SRSF11: variants seen among roughly 807,000 people sequenced by gnomAD.
The protein encoded by SRSF11 is serine/arginine-rich splicing factor 11.
SRSF11 carries 9 observed loss-of-function variants against 56.0 expected under a neutral mutation model. The ratio of observed to expected loss-of-function variants is 0.16; its 90% CI spans 0.10 to 0.28. The LOEUF (loss-of-function observed/expected upper bound fraction) is 0.28. Among genes scored for constraint, SRSF11 ranks in the 10% least tolerant of loss-of-function variants. The probability of loss-of-function intolerance (pLI) is 1.00; values close to 1 mark genes in which losing one functional copy is unlikely to be tolerated. For missense variants in SRSF11, 421 were observed against 600.7 expected, an observed-to-expected ratio of 0.70 and a Z score of 3.13; for synonymous variants, 222 against 215.3, an observed-to-expected ratio of 1.03 and a Z score of -0.27.
intron 5 of SRSF11, among the ~76,000 whole-genome samples, chr1:70,235,925 A>G (rs1287532349): frequency 6.6e-6 from 1 of 152,246 alleles, no homozygotes; most frequent in African/African-American, 2.4e-5. Flanking sequence ...ATTAATAGCC[A>G]ACATTTTATT....
upstream of SRSF11, among the ~76,000 whole-genome samples, chr1:70,218,314 A>AT (rs921873732): frequency 3.9e-5 from 6 of 152,150 alleles, no homozygotes; most frequent in African/African-American, 1.4e-4. Context: ...AAATTCAGTA[A>AT]TTTTTTGTTG....
intron 1 of SRSF11, among the ~76,000 whole-genome samples, chr1:70,222,070 T>A (rs1167750642): frequency 6.6e-6 from 1 of 152,160 alleles, no homozygotes; most frequent in Non-Finnish European, 1.5e-5. Context: ...TCGGGAAATT[T>A]TTTTTTTCCG....
At chr1:70,219,654 C>G (rs1433914285), upstream of SRSF11, among the ~76,000 whole-genome samples, 1 of 152,188 alleles carries the variant, frequency 6.6e-6, no homozygotes, top group Non-Finnish European at 1.5e-5. Context: ...ACCAATCCCC[C>G]ACAGATACTG....
intron 2 of SRSF11, chr1:70,231,730 C>G (rs1672885580): frequency 1.6e-6 from 2 of 1,222,344 alleles, no homozygotes; most frequent in Admixed American, 5.9e-5. Context: ...TACATACTTT[C>G]TTCTCTTAAT....
intron 8 of SRSF11, among the ~76,000 whole-genome samples, chr1:70,245,622 G>A (rs1171073351): frequency 6.6e-6 from 1 of 152,198 alleles, no homozygotes; most frequent in Non-Finnish European, 1.5e-5. Context: ...ATTGGAAGAG[G>A]TTTGAGAATG....
chr1:70,239,800 A>G (rs1674920138), intron 7 of SRSF11, among the ~76,000 whole-genome samples: 1 of 152,226 alleles, frequency 6.6e-6, no homozygotes, highest in African/African-American at 2.4e-5. Context: ...GAATTATACA[A>G]GTTTCCAAAT....
intron 1 of SRSF11, among the ~76,000 whole-genome samples, chr1:70,208,628 G>A (rs1213829109): frequency 2.0e-5 from 3 of 148,904 alleles, no homozygotes; most frequent in South Asian, 2.2e-4. Flanking sequence ...GTGAGCCACC[G>A]CACCCAGCTG....
At chr1:70,214,386 A>G (rs1669820285) in intron 1 of SRSF11, among the ~76,000 whole-genome samples, 1 of 152,222 alleles carries the variant, frequency 6.6e-6, no homozygotes, top group Non-Finnish European at 1.5e-5. Flanking sequence ...CTGATTTTCC[A>G]AGCAATACAT....
At chr1:70,230,969 ACAAG>A (rs1672752714) in intron 2 of SRSF11, 1 of 1,226,334 alleles carries the variant, frequency 8.2e-7, no homozygotes, top group Non-Finnish European at 1.0e-6. Flanking sequence ...CAGCTCTGAC[ACAAG>A]CAAGATAACA....
Position 70,250,710 on chromosome 1 carries a change from G to C in SRSF11, c.1360G>C (p.Glu454Gln). The change falls in exon 12 of 12, where the codon GAA becomes CAA. Residue 454 changes from glutamate to glutamine, a missense_variant. By Grantham distance (29) the Glu-to-Gln change is conservative. Around this residue, in one of 2 missense-constraint regions of SRSF11, gnomAD observed 253 missense variants for 305.8 expected, o/e 0.83. Transcript: ENST00000370949. Reference protein sequence around the residue: ...PIETGSPKTKECSVEKGTGDS... With the variant: ...PIETGSPKTKQCSVEKGTGDS... Reference sequence around the variant, plus strand: ...AGAAACAGGTTCCCCTAAAACAAAGGAATGTTCTGTGGAAAAGGGAACTGG... The same window carrying C: ...AGAAACAGGTTCCCCTAAAACAAAGCAATGTTCTGTGGAAAAGGGAACTGG... The C allele has an allele frequency of 6.2e-7, 1 of 1,614,022 alleles. No homozygotes were observed. Among genetic ancestry groups the C allele is most frequent in the Non-Finnish European group, 8.5e-7 (1 of 1,179,964 alleles).
chr1:70,224,525 CTG>C (rs2100639731), intron 1 of SRSF11, among the ~76,000 whole-genome samples: 1 of 152,242 alleles, frequency 6.6e-6, no homozygotes, highest in African/African-American at 2.4e-5. Context: ...ACATGTATGA[CTG>C]AACCTCACCC....
In SRSF11 at chr1:70,244,714, A is replaced by T; in HGVS notation, c.831A>T (p.Ser277=). ...RRSRSRSRRR[S]HSKSRSRRRS... ...CAAGAAGCAGATCGAGACGGCGGTC[A>T]CATTCTAAGTCTAGGAGTCGGCGAC... The change falls in exon 8 of 12, where the codon TCA becomes TCT. Residue 277 remains serine, a synonymous_variant. Transcript: ENST00000370949. The T allele has an allele frequency of 6.2e-7, 1 of 1,614,176 alleles. No homozygotes were observed. Among genetic ancestry groups the T allele is most frequent in the South Asian group, 1.1e-5 (1 of 91,084 alleles).
intron 1 of SRSF11, among the ~76,000 whole-genome samples, chr1:70,208,769 C>T (rs1024192248): frequency 1.3e-5 from 2 of 152,180 alleles, no homozygotes; most frequent in South Asian, 4.1e-4. Flanking sequence ...TTCAACTGAG[C>T]TTCTTTATGA....
At chr1:70,244,215 CT>C (rs2100956541) in intron 7 of SRSF11, among the ~76,000 whole-genome samples, 2 of 152,224 alleles carry the variant, frequency 1.3e-5, no homozygotes, top group East Asian at 3.9e-4. Flanking sequence ...GTGGCATTTA[CT>C]TTATGGACTT....
At chr1:70,209,636 A>G (rs1272980645) in intron 1 of SRSF11, among the ~76,000 whole-genome samples, 1 of 148,388 alleles carries the variant, frequency 6.7e-6, no homozygotes, top group Non-Finnish European at 1.5e-5. Flanking sequence ...TCTGAGACAG[A>G]GTCTCAGTCT....
intron 1 of SRSF11, among the ~76,000 whole-genome samples, chr1:70,222,201 T>C (rs941976003): frequency 6.6e-6 from 1 of 152,202 alleles, no homozygotes; most frequent in Non-Finnish European, 1.5e-5. Flanking sequence ...GTTCTTTGCG[T>C]TCTTGGAAGA....
In SRSF11 at chr1:70,221,460, G is replaced by C; in HGVS notation, c.-177G>C. 32 of 750,690 alleles carry C rather than the reference G, an allele frequency of 4.3e-5. No homozygotes were observed. The highest frequency in any genetic ancestry group is 4.1e-4 in the Middle Eastern group (1 of 2,444). 46.5% of individuals were successfully genotyped at this position (750,690 alleles called of 1,614,324 possible). On this transcript the variant is annotated 5_prime_UTR_variant, in exon 1 of 12. Transcript: ENST00000370949. ...CTCGCGCGCTCTCATCCCCTCCCCC[G>C]CGGCGTGCGGCGGGGCGGAGAAACG...
chr1:70,237,579 G>T (rs757865637), intron 6 of SRSF11, 27 bp downstream of exon 6: 30 of 1,602,388 alleles, frequency 1.9e-5, no homozygotes, highest in Non-Finnish European at 2.5e-5. Context: ...CAATTTTGTT[G>T]TGTGATTCTT....
At chr1:70,207,249 G>A (rs1669131381) in intron 1 of SRSF11, among the ~76,000 whole-genome samples, 1 of 152,016 alleles carries the variant, frequency 6.6e-6, no homozygotes, top group African/African-American at 2.4e-5. Flanking sequence ...TGAGGTCCCT[G>A]GTCAGCTTGT....
Sources: gnomAD v4.1 joint callset for allele counts (sites outside exome capture counted in the v4.1 genomes callset) on GRCh38, gnomAD v4.1.1 for gene constraint, gnomAD v4.1.1 regional missense constraint, MANE v1.5 for transcripts, NCBI Gene and HGNC (gene_info 2026-07-23, HGNC 2026-07-21) for gene names.